Variants in IDS observed in about 807,000 individuals in gnomAD.
IDS encodes the protein iduronate 2-sulfatase.
IDS carries 1 observed loss-of-function variant against 33.5 expected under a neutral mutation model. The observed-to-expected ratio is 0.03, with a 90% confidence interval of 0.01 to 0.14. IDS has a LOEUF of 0.14. Ranked by LOEUF, IDS falls within the 10% of genes least tolerant of loss-of-function variation. The pLI is 1.00. For synonymous variants in IDS, 191 were observed against 184.4 expected (o/e 1.04, Z -0.29); for missense variants, 328 against 448.0 (o/e 0.73, Z 2.42).
At chrX:149,496,263 G>C in intron 6 of IDS, 83 bp downstream of exon 6, 1 of 898,423 alleles carries the variant, frequency 1.1e-6, no homozygotes, top group Non-Finnish European at 1.6e-6. Flanking sequence ...TATAGGTGGA[G>C]TTGTGTCTAC....
In IDS at chrX:149,501,065, C is replaced by T. The variant is rs180685256; in HGVS notation, c.419-28G>A. On this transcript the variant is annotated intron_variant, in intron 3 of 8. Coordinates refer to ENST00000340855, the MANE Select transcript of IDS (RefSeq NM_000202.8). ...TGGAAAAAAAAAAAGGTTGTTAAAA[C>T]ATGATGAGTCTTTCAACACCCCACT... 116 of 929,289 alleles carry T rather than the reference C, an allele frequency of 1.2e-4. No homozygotes were observed. The African/African-American group carries it at 1.9e-3, about 15-fold the overall frequency. 76.6% of individuals were successfully genotyped at this position (929,289 alleles called of 1,213,427 possible). A position where few individuals can be genotyped will look rare whatever the true frequency, so the allele number is the denominator to read the frequency against.
chrX:149,501,943 C>T, intron 3 of IDS: 1 of 229,744 alleles, frequency 4.4e-6, no homozygotes, highest in Non-Finnish European at 8.3e-6. Flanking sequence ...AGCATCCTTG[C>T]AACCTCTGGC....
At chrX:149,486,820 G>C (rs961464097) in intron 8 of IDS, 105 bp downstream of exon 8, 13 of 866,448 alleles carry the variant, frequency 1.5e-5, no homozygotes, top group South Asian at 1.5e-4. Flanking sequence ...AGGCAGGAAG[G>C]GGGGGTCTGT....
intron 8 of IDS, among the ~76,000 whole-genome samples, chrX:149,484,929 G>C (rs1557337893): frequency 8.9e-6 from 1 of 112,072 alleles, no homozygotes; most frequent in African/African-American, 3.2e-5. Context: ...CTTCAACCGA[G>C]TGTTCAAACT....
chrX:149,493,930 G>T (rs5936296), intron 6 of IDS, among the ~76,000 whole-genome samples: 31,242 of 110,474 alleles, frequency 0.28, 3,935 homozygotes, highest in Middle Eastern at 0.41. Flanking sequence ...CAAGAGGAAA[G>T]GTGCTATCCA....
chrX:149,491,024 A>G (rs1474765398), intron 6 of IDS, among the ~76,000 whole-genome samples: 2 of 112,366 alleles, frequency 1.8e-5, no homozygotes, highest in Non-Finnish European at 3.8e-5. Flanking sequence ...TACATCTGCA[A>G]TAAACCTATT....
chrX:149,505,110 G>A lies in IDS; in HGVS notation c.28C>T (p.Leu10Phe), dbSNP rs2067278577. ...CTCAGAACCAGACCCAGCCAGAGAA[G>A]GCCTCGGCCGGTCCGGGGTGGCGGC... Reference protein sequence around the residue: MPPPRTGRGLLWLGLVLSSV... With the variant: MPPPRTGRGFLWLGLVLSSV... The change falls in exon 1 of 9, where the codon CTT becomes TTT. Residue 10 changes from leucine to phenylalanine, a missense_variant. By Grantham distance (22) the Leu-to-Phe change is conservative. This residue lies in a region of IDS where 45 missense variants were observed against 33.6 expected (regional missense o/e 1.34). Coordinates refer to ENST00000340855, the MANE Select transcript of IDS (RefSeq NM_000202.8). The A allele has an allele frequency of 5.8e-6, 7 of 1,199,005 alleles. No individual in the cohort carries two copies. Among genetic ancestry groups the A allele is most frequent in the Non-Finnish European group, 7.9e-6 (7 of 885,955 alleles).
rs16995196 is a variant in IDS, at chrX:149,499,926, T to C, written c.507+1023A>G. 5.9e-3 allele frequency among the ~76,000 whole-genome samples: 656 copies of C among 111,049 alleles called. 6 individuals are homozygous for C. The highest frequency in any genetic ancestry group is 0.021 in the African/African-American group (625 of 30,449). On this transcript the variant is annotated intron_variant, in intron 4 of 8. Coordinates refer to ENST00000340855, the MANE Select transcript of IDS (RefSeq NM_000202.8). ...GTGAGACCAAAGTTAGTTCTGACCA[T>C]GATTTGTATACCACAAAGACCGAGG...
intron 8 of IDS, among the ~76,000 whole-genome samples, 189 bp from the exon 9 acceptor site, chrX:149,483,407 C>G (rs1391832627): frequency 1.8e-5 from 2 of 111,683 alleles, no homozygotes; most frequent in Admixed American, 9.5e-5. Flanking sequence ...CTCATCCAAT[C>G]AAATAGCAGG....
intron 5 of IDS, among the ~76,000 whole-genome samples, chrX:149,496,779 C>T (rs922843521): frequency 4.5e-5 from 5 of 112,129 alleles, no homozygotes; most frequent in Non-Finnish European, 7.5e-5. Context: ...TACAAACAGA[C>T]GCCCTTCTGT....
At chrX:149,500,177 G>T (rs1557339803) in intron 4 of IDS, among the ~76,000 whole-genome samples, 2 of 112,015 alleles carry the variant, frequency 1.8e-5, no homozygotes, top group Non-Finnish European at 3.8e-5. Context: ...GCATTCGTAA[G>T]TGAGGCCACT....
rs986856276 is a variant in IDS, at chrX:149,490,251, C to A, written c.1006+63G>T. The A allele has an allele frequency of 2.8e-5, 33 of 1,158,126 alleles. No individual in the cohort carries two copies. In the African/African-American group the frequency reaches 5.7e-4, roughly 20 times the overall value. On this transcript the variant is annotated intron_variant, in intron 7 of 8. Coordinates refer to ENST00000340855, the MANE Select transcript of IDS (RefSeq NM_000202.8). ...CATGTTTATGTCAATGGCAATTTTGCAAAGCATGTTTCACAGGAAAGTTCA... is the reference window on the plus strand; with the variant it reads ...CATGTTTATGTCAATGGCAATTTTGAAAAGCATGTTTCACAGGAAAGTTCA...
intron 6 of IDS, 69 bp downstream of exon 6, chrX:149,496,277 G>C: frequency 7.0e-6 from 7 of 993,002 alleles, no homozygotes; most frequent in Non-Finnish European, 8.6e-6. Flanking sequence ...TGTCTACTGA[G>C]AAGAGTGGTT....
intron 4 of IDS, among the ~76,000 whole-genome samples, chrX:149,499,509 G>A (rs1407212337): frequency 9.0e-6 from 1 of 111,360 alleles, no homozygotes; most frequent in Non-Finnish European, 1.9e-5. Flanking sequence ...GCAAATCCAT[G>A]GAGACCAAAA....
In IDS at chrX:149,498,233, G is replaced by A. The variant is rs1557339542; in HGVS notation, c.582C>T (p.Gly194=). 8.3e-7 allele frequency: 1 copy of A among 1,211,405 alleles called. No homozygotes were observed. Among genetic ancestry groups the A allele is most frequent in the Non-Finnish European group, 1.1e-6 (1 of 894,947 alleles). Residue 194 remains glycine (G), a synonymous_variant, in exon 5 of 9, where the codon GGC becomes GGT. Coordinates refer to ENST00000340855, the MANE Select transcript of IDS (RefSeq NM_000202.8). ...CPVDVLDVPE[G]TLPDKQSTEQ... ...CAGTGCTCTGTTTGTCAGGCAAGGT[G>A]CCCTCGGGAACATCCAGCACATCCA...
intron 2 of IDS, 83 bp from the exon 3 acceptor site, chrX:149,503,572 C>A: frequency 9.2e-7 from 1 of 1,087,331 alleles, no homozygotes; most frequent in Middle Eastern, 3.5e-4. Flanking sequence ...AACCGCCCTC[C>A]CGAGGCTCCT....
chrX:149,498,804 G>A (rs1451461997), intron 4 of IDS, among the ~76,000 whole-genome samples: 1 of 112,451 alleles, frequency 8.9e-6, no homozygotes, highest in African/African-American at 3.2e-5. Context: ...CGAGGATGCA[G>A]AAAAATTAGA....
chrX:149,483,761 C>G (rs1412431651), intron 8 of IDS, among the ~76,000 whole-genome samples: 1 of 112,305 alleles, frequency 8.9e-6, no homozygotes, highest in East Asian at 2.8e-4. Flanking sequence ...CAGAACTCCT[C>G]TTAATTTACA....
At chrX:149,503,184 C>G in intron 3 of IDS, 128 bp downstream of exon 3, 1 of 1,168,514 alleles carries the variant, frequency 8.6e-7, no homozygotes, top group Non-Finnish European at 1.1e-6. Context: ...AGAAAGGAAG[C>G]ACTGACTAGC....
Sources: gnomAD v4.1 joint callset for allele counts (sites outside exome capture counted in the v4.1 genomes callset) on GRCh38, gnomAD v4.1.1 for gene constraint, gnomAD v4.1.1 regional missense constraint, MANE v1.5 for transcripts, NCBI Gene and HGNC (gene_info 2026-07-23, HGNC 2026-07-21) for gene names.